Variants in CFAP90 observed in about 807,000 individuals in gnomAD.
CFAP90 encodes the protein cilia- and flagella-associated protein 90.
chr5:7,833,682 TATACAC>T, the CFAP90 span, among the ~76,000 whole-genome samples: 1 of 152,186 alleles, frequency 6.6e-6, no homozygotes, highest in East Asian at 1.9e-4. Flanking sequence ...TGCATACACA[TATACAC>T]ATACAGTCAT....
chr5:7,835,317 A>T, the CFAP90 span: 2 of 869,144 alleles, frequency 2.3e-6, no homozygotes, highest in Non-Finnish European at 3.7e-6. Context: ...TAATAAAACT[A>T]GATATGCCTC....
chr5:7,834,128 A>G, the CFAP90 span, among the ~76,000 whole-genome samples: 2 of 152,146 alleles, frequency 1.3e-5, no homozygotes, highest in African/African-American at 4.8e-5. Context: ...TCCAGAGAAG[A>G]CATTGTTAGC....
the CFAP90 span, among the ~76,000 whole-genome samples, chr5:7,841,145 A>G: frequency 6.6e-6 from 1 of 152,232 alleles, no homozygotes; most frequent in South Asian, 2.1e-4. Flanking sequence ...TTACAAGAAA[A>G]AAAAACCCCG....
the CFAP90 span, among the ~76,000 whole-genome samples, chr5:7,835,081 G>A: frequency 1.3e-5 from 2 of 152,112 alleles, no homozygotes; most frequent in African/African-American, 4.8e-5. Context: ...TACAAGTTAC[G>A]TTTACACTAT....
chr5:7,842,314 A>T, the CFAP90 span, among the ~76,000 whole-genome samples: 15 of 19,248 alleles, frequency 7.8e-4, no homozygotes, highest in Admixed American at 5.6e-3. Flanking sequence ...TACAAGAAAG[A>T]AAAAAAAAAA....
At chr5:7,850,802 GCCCAGCC>G in the CFAP90 span, 1 of 651,126 alleles carries the variant, frequency 1.5e-6, no homozygotes, top group Non-Finnish European at 1.8e-6. Context: ...CCGCCCAGCC[GCCCAGCC>G]GCCCAGCCGC....
At chr5:7,842,380 A>G in the CFAP90 span, among the ~76,000 whole-genome samples, 2 of 151,350 alleles carry the variant, frequency 1.3e-5, no homozygotes, top group African/African-American at 4.9e-5. Flanking sequence ...GGGTAATGCT[A>G]TGTGCTCATC....
At chr5:7,842,820 G>T in the CFAP90 span, among the ~76,000 whole-genome samples, 1 of 152,148 alleles carries the variant, frequency 6.6e-6, no homozygotes, top group Middle Eastern at 3.2e-3. Flanking sequence ...AGTATTTGAT[G>T]ATTTCTGTGG....
At chr5:7,850,182 A>G in the CFAP90 span, among the ~76,000 whole-genome samples, 3 of 152,062 alleles carry the variant, frequency 2.0e-5, no homozygotes, top group Non-Finnish European at 2.9e-5. Context: ...TGACACTGGT[A>G]GTCGCCTGAG....
chr5:7,834,820 T>A, the CFAP90 span, among the ~76,000 whole-genome samples: 3 of 152,024 alleles, frequency 2.0e-5, no homozygotes, highest in Non-Finnish European at 2.9e-5. Context: ...AGGTGTGGAG[T>A]AAGCTATGTC....
chr5:7,838,288 C>T, the CFAP90 span, among the ~76,000 whole-genome samples: 1 of 151,850 alleles, frequency 6.6e-6, no homozygotes, highest in East Asian at 1.9e-4. Flanking sequence ...ACTTTGACTA[C>T]ATACAAATTA....
the CFAP90 span, among the ~76,000 whole-genome samples, chr5:7,833,538 TAC>T: frequency 6.6e-6 from 1 of 152,164 alleles, no homozygotes; most frequent in Non-Finnish European, 1.5e-5. Context: ...CACACATATA[TAC>T]ACACAGGTAC....
At chr5:7,835,846 A>G in the CFAP90 span, among the ~76,000 whole-genome samples, 1 of 152,192 alleles carries the variant, frequency 6.6e-6, no homozygotes, top group Admixed American at 6.5e-5. Context: ...AATGTGTCCT[A>G]GTCCATTCAG....
the CFAP90 span, among the ~76,000 whole-genome samples, chr5:7,840,340 G>A: frequency 6.6e-6 from 1 of 152,128 alleles, no homozygotes; most frequent in Non-Finnish European, 1.5e-5. Flanking sequence ...GTAGAGTGGA[G>A]GCCTCCAGTT....
At chr5:7,839,561 A>G in the CFAP90 span, among the ~76,000 whole-genome samples, 1 of 152,248 alleles carries the variant, frequency 6.6e-6, no homozygotes, top group African/African-American at 2.4e-5. Context: ...TGTTCCCTAT[A>G]TTGAAGAAGC....
chr5:7,847,687 G>A, the CFAP90 span, among the ~76,000 whole-genome samples: 53 of 152,280 alleles, frequency 3.5e-4, no homozygotes, highest in East Asian at 1.9e-4. Flanking sequence ...CACTCCCAGC[G>A]GACCTCCTTC....
the CFAP90 span, among the ~76,000 whole-genome samples, chr5:7,833,841 C>T: frequency 8.4e-3 from 1,273 of 152,224 alleles, 15 homozygotes; most frequent in African/African-American, 0.029. Flanking sequence ...ATTCCTATCA[C>T]CTAAGGATGT....
At chr5:7,837,790 A>G in the CFAP90 span, among the ~76,000 whole-genome samples, 29 of 152,246 alleles carry the variant, frequency 1.9e-4, 1 homozygote, top group Admixed American at 1.9e-3. Context: ...GATTCATAAG[A>G]ATTCCAACAG....
At chr5:7,832,904 C>T in the CFAP90 span, among the ~76,000 whole-genome samples, 1 of 152,196 alleles carries the variant, frequency 6.6e-6, no homozygotes, top group Admixed American at 6.5e-5. Context: ...TTTGCATCAA[C>T]TTAGAATGCA....
Sources: allele counts gnomAD v4.1 joint callset (sites outside exome capture counted in the v4.1 genomes callset), GRCh38; gene constraint gnomAD v4.1.1; transcripts MANE v1.5; gene names NCBI Gene and HGNC (gene_info 2026-07-23, HGNC 2026-07-21).